LEKR1: variants seen among roughly 807,000 people sequenced by gnomAD.
The protein encoded by LEKR1 is leucine, glutamate and lysine rich 1, also known as protein LEKR1.
Under a neutral mutation model 72.4 loss-of-function variants are expected in LEKR1, and 59 were observed. The ratio of observed to expected loss-of-function variants is 0.82; its 90% CI spans 0.66 to 1.01. The LOEUF is 1.01. Ranked by LOEUF, LEKR1 falls within the 50% of genes least tolerant of loss-of-function variation. The pLI is 0.00. For synonymous variants in LEKR1, 257 were observed against 263.2 expected (o/e 0.98, Z 0.23); for missense variants, 728 against 759.2 (o/e 0.96, Z 0.48).
intron 6 of LEKR1, among the ~76,000 whole-genome samples, chr3:156,943,808 A>G (rs1726445640): frequency 6.6e-6 from 1 of 151,958 alleles, no homozygotes. Flanking sequence ...GTGTTGAAAG[A>G]GAAGATAACA....
chr3:156,985,987 T>G (rs1730644468), intron 7 of LEKR1, among the ~76,000 whole-genome samples: 1 of 151,936 alleles, frequency 6.6e-6, no homozygotes, highest in African/African-American at 2.4e-5. Context: ...AAACAGAGAT[T>G]GCAGTGATGT....
intron 6 of LEKR1, among the ~76,000 whole-genome samples, chr3:156,974,189 G>A (rs1408027129): frequency 6.6e-6 from 1 of 152,246 alleles, no homozygotes; most frequent in East Asian, 1.9e-4. Context: ...TTATGTATCA[G>A]TCAGAGCAGA....
At chr3:156,973,766 G>A (rs1366138605) in intron 6 of LEKR1, among the ~76,000 whole-genome samples, 1 of 152,108 alleles carries the variant, frequency 6.6e-6, no homozygotes, top group Admixed American at 6.6e-5. Flanking sequence ...AGAAGTATAA[G>A]GTGAGGTGCT....
At chr3:156,857,650 C>G (rs1026678276) in intron 3 of LEKR1, among the ~76,000 whole-genome samples, 2 of 152,202 alleles carry the variant, frequency 1.3e-5, no homozygotes, top group East Asian at 3.9e-4. Flanking sequence ...TGTTGACACT[C>G]AAGAAGTTTT....
intron 6 of LEKR1, among the ~76,000 whole-genome samples, chr3:156,977,369 A>G (rs1369971094): frequency 6.6e-6 from 1 of 152,202 alleles, no homozygotes; most frequent in Non-Finnish European, 1.5e-5. Context: ...AGCCTATAGC[A>G]TAGGAAAAAA....
chr3:157,017,862 T>C (rs1391541914), intron 10 of LEKR1, among the ~76,000 whole-genome samples: 1 of 145,064 alleles, frequency 6.9e-6, no homozygotes, highest in Non-Finnish European at 1.5e-5. Flanking sequence ...GACAGGAGAA[T>C]AGCGTGAACC....
chr3:156,899,633 CACGCATATATACACATAT>C, intron 3 of LEKR1, among the ~76,000 whole-genome samples: 7 of 96,002 alleles, frequency 7.3e-5, no homozygotes, highest in Non-Finnish European at 1.4e-4. Flanking sequence ...CACATATATA[CACGCATATATACACATAT>C]ATACACGCAT....
chr3:156,918,768 A>G (rs1379748654), intron 3 of LEKR1, among the ~76,000 whole-genome samples: 1 of 152,190 alleles, frequency 6.6e-6, no homozygotes, highest in Non-Finnish European at 1.5e-5. Flanking sequence ...AGAAACAGGA[A>G]AAAAACATTA....
At chr3:156,850,693 C>T (rs1296453050) in intron 2 of LEKR1, among the ~76,000 whole-genome samples, 1 of 152,192 alleles carries the variant, frequency 6.6e-6, no homozygotes, top group Non-Finnish European at 1.5e-5. Context: ...CCAGTTGGCT[C>T]ATACCAGCTT....
intron 9 of LEKR1, among the ~76,000 whole-genome samples, chr3:156,995,321 AC>A (rs1176047373): frequency 1.3e-5 from 2 of 152,162 alleles, no homozygotes; most frequent in Admixed American, 1.3e-4. Context: ...CTATAATCTT[AC>A]CCTCTAAATG....
intron 12 of LEKR1, among the ~76,000 whole-genome samples, chr3:157,044,935 ACAG>A (rs1735643826): frequency 6.6e-6 from 1 of 152,202 alleles, no homozygotes; most frequent in Non-Finnish European, 1.5e-5. Context: ...TAATGACTCT[ACAG>A]CTATTAACTA....
chr3:156,980,218 A>G (rs1730068060), intron 7 of LEKR1, among the ~76,000 whole-genome samples: 1 of 152,190 alleles, frequency 6.6e-6, no homozygotes, highest in Non-Finnish European at 1.5e-5. Context: ...AATATTTAGA[A>G]TGCTTAGCAA....
chr3:156,979,302 A>G, intron 7 of LEKR1, 27 bp downstream of exon 7: 1 of 816,444 alleles, frequency 1.2e-6, no homozygotes, highest in Non-Finnish European at 1.6e-6. Context: ...TAAACAACTT[A>G]TAACAGTGCT....
chr3:156,920,017 C>T (rs1297321735), intron 3 of LEKR1, among the ~76,000 whole-genome samples: 2 of 152,172 alleles, frequency 1.3e-5, no homozygotes, highest in African/African-American at 4.8e-5. Flanking sequence ...TCTCTCATCA[C>T]GTGATCCCTT....
intron 10 of LEKR1, among the ~76,000 whole-genome samples, chr3:157,011,858 TTCTTCTCCTATAAGAAGATAAAAGA>T (rs1163779343): frequency 6.6e-6 from 1 of 152,118 alleles, no homozygotes; most frequent in African/African-American, 2.4e-5. Flanking sequence ...ACAACTTCTC[TTCTTCTCCTATAAGAAGATAAAAGA>T]ATGGAAAATG....
intron 3 of LEKR1, among the ~76,000 whole-genome samples, chr3:156,872,320 T>C (rs1482063459): frequency 1.3e-5 from 2 of 152,030 alleles, no homozygotes; most frequent in Non-Finnish European, 2.9e-5. Flanking sequence ...CTGAGTTTTC[T>C]CATACTCTGT....
At position 157,011,463 on chromosome 3, in the gene LEKR1, C is replaced by A. The variant is rs1187561822; in HGVS notation, c.1160C>A (p.Thr387Asn). 1 of 1,613,170 alleles carries A rather than the reference C, an allele frequency of 6.2e-7. No individual in the cohort carries two copies. Among genetic ancestry groups the A allele is most frequent in the South Asian group, 1.1e-5 (1 of 91,036 alleles). The part of the protein sequence containing the change: ...HQKSIEQLQE[T>N]LRQKLLSDDN... ...AAAAGCATCGAGCAGCTGCAAGAAA[C>A]CCTTAGACAGAAGCTGCTGAGTGAT... The change falls in exon 10 of 13, where the codon ACC (threonine) becomes AAC (asparagine). Residue 387 changes from threonine (T) to asparagine (N), a missense_variant. By Grantham distance (65) the Thr-to-Asn change is moderately conservative. Coordinates refer to ENST00000356539, the MANE Select transcript of LEKR1 (RefSeq NM_001004316.3).
chr3:156,998,691 A>G (rs1229962548), intron 9 of LEKR1, among the ~76,000 whole-genome samples: 1 of 152,196 alleles, frequency 6.6e-6, no homozygotes, highest in African/African-American at 2.4e-5. Flanking sequence ...GTATTAAGAT[A>G]CTTATGTATC....
intron 3 of LEKR1, among the ~76,000 whole-genome samples, chr3:156,866,035 C>T (rs7625660): frequency 0.024 from 3,668 of 152,096 alleles, 162 homozygotes; most frequent in African/African-American, 0.084. Context: ...TCCATGAAAA[C>T]CAGTCTGATT....
Sources: gnomAD v4.1 joint callset for allele counts (sites outside exome capture counted in the v4.1 genomes callset) on GRCh38, gnomAD v4.1.1 for gene constraint, MANE v1.5 for transcripts, NCBI Gene and HGNC (gene_info 2026-07-23, HGNC 2026-07-21) for gene names.